The following SNX13 variants were observed in gnomAD, a reference collection of about 807,000 sequenced individuals.
The protein encoded by SNX13 is sorting nexin-13.
In SNX13, 45 loss-of-function variants were observed where a neutral mutation model predicts 133.6. The observed-to-expected ratio is 0.34, with a 90% CI of 0.27 to 0.43. The LOEUF is 0.43. SNX13 is among the 20% of genes least tolerant of loss of function. The probability of loss-of-function intolerance (pLI) is 1.00; values close to 1 mark genes in which losing one functional copy is unlikely to be tolerated. For synonymous variants in SNX13, 414 were observed against 373.9 expected (o/e 1.11, Z -1.24); for missense variants, 1,032 against 1,145.1 (o/e 0.90, Z 1.43).
chr7:17,873,568 G>C lies in SNX13; in HGVS notation c.713C>G (p.Pro238Arg). 6.3e-7 allele frequency: 1 copy of C among 1,586,678 alleles called. No homozygotes were observed. Among genetic ancestry groups the C allele is most frequent in the Non-Finnish European group, 8.6e-7 (1 of 1,166,904 alleles). The stretch of plus-strand genomic sequence containing the variant: ...CATGATCTTGTTCTGGAAATCTCCA[G>C]GAGGTAGCAATAAATATAGTAAGAC... Reference protein sequence around the residue: ...CEVLLYLLLPPGDFQNKIMRY... With the variant: ...CEVLLYLLLPRGDFQNKIMRY... Residue 238 changes from proline (P) to arginine (R), a missense_variant, in exon 8 of 26, where the codon CCT becomes CGT. By Grantham distance (103) the Pro-to-Arg change is moderately radical. Transcript: ENST00000428135.
At chr7:17,822,483 T>C (rs1001845578) in intron 17 of SNX13, among the ~76,000 whole-genome samples, 2 of 152,178 alleles carry the variant, frequency 1.3e-5, no homozygotes, top group African/African-American at 4.8e-5. Context: ...TTTTTTGATC[T>C]CTAGAGTTTT....
At chr7:17,857,643 G>A (rs990882276) in intron 9 of SNX13, among the ~76,000 whole-genome samples, 17 of 152,074 alleles carry the variant, frequency 1.1e-4, no homozygotes, top group African/African-American at 3.6e-4. Context: ...AATTAGCAGG[G>A]CATGCTGGCG....
Position 17,794,092 on chromosome 7 carries a change from T to C in SNX13, c.2827A>G (p.Lys943Glu). Residue 943 changes from lysine (K) to glutamate (E), a missense_variant, in exon 26 of 26, where the codon AAA (lysine) becomes GAA (glutamate). Transcript: ENST00000428135. Reference sequence around the variant, plus strand: ...GCTTGAGTAGTTTGAAGTTTCTGTTTATATTTCTGCATCTGCTTTGACCGT... The same window carrying C: ...GCTTGAGTAGTTTGAAGTTTCTGTTCATATTTCTGCATCTGCTTTGACCGT... ...HSRSKQMQKYKQKLQTTQAPS... is the reference protein window; with the variant it reads ...HSRSKQMQKYEQKLQTTQAPS... 2 of 1,611,694 alleles carry C rather than the reference T, an allele frequency of 1.2e-6. No individual in the cohort carries two copies. Among genetic ancestry groups the C allele is most frequent in the Non-Finnish European group, 1.7e-6 (2 of 1,178,356 alleles).
intron 1 of SNX13, among the ~76,000 whole-genome samples, chr7:17,919,520 AG>A (rs1799902698): frequency 1.3e-5 from 2 of 152,210 alleles, no homozygotes; most frequent in Non-Finnish European, 2.9e-5. Context: ...CCATAGCCAA[AG>A]AAAAATCTTA....
chr7:17,848,006 G>C (rs1790750898), intron 11 of SNX13, among the ~76,000 whole-genome samples: 1 of 152,152 alleles, frequency 6.6e-6, no homozygotes, highest in South Asian at 2.1e-4. Context: ...CAAAAAGCCT[G>C]AGCCCACAGT....
At chr7:17,927,885 T>A (rs1431727881) in intron 1 of SNX13, among the ~76,000 whole-genome samples, 1 of 152,186 alleles carries the variant, frequency 6.6e-6, no homozygotes, top group African/African-American at 2.4e-5. Context: ...ACTCACAAAG[T>A]GTTCCTCTAC....
chr7:17,893,325 G>T lies in SNX13; in HGVS notation c.228+7C>A, dbSNP rs997343365. Reference sequence around the variant, plus strand: ...TTTGAGGTTTTATATTCCCTCAAACGATTTACCTTAGGAACCCCAGGTGAT... The same window carrying T: ...TTTGAGGTTTTATATTCCCTCAAACTATTTACCTTAGGAACCCCAGGTGAT... On this transcript the variant is annotated splice_region_variant and intron_variant, in intron 3 of 25. Coordinates refer to ENST00000428135, the MANE Select transcript of SNX13 (RefSeq NM_015132.5). 3 of 1,546,654 alleles carry T rather than the reference G, an allele frequency of 1.9e-6. No individual in the cohort carries two copies. Among genetic ancestry groups the T allele is most frequent in the Admixed American group, 1.9e-5 (1 of 53,136 alleles).
chr7:17,854,974 T>C (rs922766576), intron 9 of SNX13, among the ~76,000 whole-genome samples: 1 of 152,002 alleles, frequency 6.6e-6, no homozygotes, highest in African/African-American at 2.4e-5. Flanking sequence ...TTATCCAATA[T>C]GAGAATGCAA....
intron 20 of SNX13, among the ~76,000 whole-genome samples, chr7:17,811,233 G>T (rs1332279236): frequency 2.0e-5 from 3 of 152,192 alleles, no homozygotes; most frequent in Admixed American, 2.0e-4. Context: ...CAGATGACAT[G>T]ATTGTATATT....
chr7:17,866,930 A>C (rs1158769720), intron 9 of SNX13, among the ~76,000 whole-genome samples: 4 of 152,232 alleles, frequency 2.6e-5, no homozygotes, highest in Non-Finnish European at 5.9e-5. Flanking sequence ...TGATTTGAAC[A>C]TTATACATTG....
At chr7:17,886,337 A>AG (rs370728647) in intron 5 of SNX13, among the ~76,000 whole-genome samples, 103 of 152,160 alleles carry the variant, frequency 6.8e-4, no homozygotes, top group Middle Eastern at 3.4e-3. Flanking sequence ...TGGGAGGCTG[A>AG]GGGGGGCGGA....
Position 17,889,810 on chromosome 7 carries a change from C to G in SNX13, c.440+553G>C, listed in dbSNP as rs1583641631. ...TTGTAAAGTAAGAATTTTAGTATATCTGACAAAAAAAGTTTGTTAAAACAA... is the reference window on the plus strand; with the variant it reads ...TTGTAAAGTAAGAATTTTAGTATATGTGACAAAAAAAGTTTGTTAAAACAA... On this transcript the variant is annotated intron_variant, in intron 5 of 25. Coordinates refer to ENST00000428135, the MANE Select transcript of SNX13 (RefSeq NM_015132.5). 3 of 152,192 alleles carry G rather than the reference C, an allele frequency of 2.0e-5. No individual in the cohort carries two copies. The South Asian group carries it at 6.2e-4, about 32-fold the overall frequency. 9.4% of individuals were successfully genotyped at this position (152,192 alleles called of 1,614,324 possible). A position where few individuals can be genotyped will look rare whatever the true frequency, so the allele number is the denominator to read the frequency against.
intron 2 of SNX13, among the ~76,000 whole-genome samples, chr7:17,895,918 T>C (rs1432153362): frequency 6.6e-6 from 1 of 152,154 alleles, no homozygotes. Flanking sequence ...TATTGGGAAA[T>C]ACTCTGAAAT....
chr7:17,810,445 A>C (rs1451880457), intron 20 of SNX13, among the ~76,000 whole-genome samples: 1 of 152,172 alleles, frequency 6.6e-6, no homozygotes, highest in East Asian at 1.9e-4. Context: ...TGAAGAGACC[A>C]ACAAGTTCTG....
chr7:17,857,716 T>C (rs1583502936), intron 9 of SNX13, among the ~76,000 whole-genome samples: 1 of 151,512 alleles, frequency 6.6e-6, no homozygotes, highest in Non-Finnish European at 1.5e-5. Context: ...ACCTGGGAGG[T>C]GGAGGTTACA....
At chr7:17,820,448 ATGAAGAAAGGTTATATT>A (rs1399288434) in intron 18 of SNX13, among the ~76,000 whole-genome samples, 1 of 152,158 alleles carries the variant, frequency 6.6e-6, no homozygotes. Flanking sequence ...CAAGCTAAAC[ATGAAGAAAGGTTATATT>A]TGACACCAGA....
intron 14 of SNX13, among the ~76,000 whole-genome samples, chr7:17,834,559 C>T (rs1788916671): frequency 6.6e-6 from 1 of 151,756 alleles, no homozygotes; most frequent in South Asian, 2.1e-4. Context: ...AATAAAACAA[C>T]CCAACTTAAG....
chr7:17,838,957 A>G (rs1292961457), intron 13 of SNX13, among the ~76,000 whole-genome samples: 1 of 150,688 alleles, frequency 6.6e-6, no homozygotes, highest in African/African-American at 2.4e-5. Flanking sequence ...TATGTATTAC[A>G]GTATTACATT....
chr7:17,824,521 GTATTAT>G (rs553891799), intron 17 of SNX13, among the ~76,000 whole-genome samples: 5 of 151,440 alleles, frequency 3.3e-5, no homozygotes, highest in East Asian at 3.9e-4. Flanking sequence ...TATGAGTTAT[GTATTAT>G]TATTATTATT....
Sources: gnomAD v4.1 joint callset for allele counts (sites outside exome capture counted in the v4.1 genomes callset) on GRCh38, gnomAD v4.1.1 for gene constraint, MANE v1.5 for transcripts, NCBI Gene and HGNC (gene_info 2026-07-23, HGNC 2026-07-21) for gene names.